Variants in TMEM164 observed in about 807,000 individuals in gnomAD.
TMEM164 encodes the protein RP13-360B22.2.
In TMEM164, 4 loss-of-function variants were observed where a neutral mutation model predicts 18.8. The observed-to-expected ratio is 0.21, with a 90% CI of 0.10 to 0.49. TMEM164 has a LOEUF of 0.49. Among genes scored for constraint, TMEM164 ranks in the 20% least tolerant of loss-of-function variants. TMEM164 has a pLI of 0.98. For missense variants in TMEM164, 108 were observed against 239.9 expected (o/e 0.45, Z 3.63); for synonymous variants, 86 against 101.7 (o/e 0.85, Z 0.93).
chrX:110,133,699 G>A (rs2066644784), intron 4 of TMEM164, among the ~76,000 whole-genome samples: 1 of 111,528 alleles, frequency 9.0e-6, no homozygotes, highest in African/African-American at 3.3e-5. Context: ...TCAAGAAAAT[G>A]CAGCAGACTT....
chrX:110,042,231 T>C (rs1935127961), intron 2 of TMEM164, among the ~76,000 whole-genome samples: 1 of 110,409 alleles, frequency 9.1e-6, no homozygotes, highest in Non-Finnish European at 1.9e-5. Context: ...ACTGTTCTAC[T>C]TTCTGTCTCT....
At chrX:110,086,672 A>G (rs1033418482) in intron 3 of TMEM164, among the ~76,000 whole-genome samples, 17 of 55,017 alleles carry the variant, frequency 3.1e-4, no homozygotes, top group Middle Eastern at 9.0e-3. Flanking sequence ...GTGTGTGTAT[A>G]TATGTGTGTG....
chrX:110,029,030 G>A (rs1268445501), intron 2 of TMEM164, among the ~76,000 whole-genome samples: 2 of 111,382 alleles, frequency 1.8e-5, no homozygotes, highest in Non-Finnish European at 3.8e-5. Flanking sequence ...AACTTAGAGT[G>A]TGGATAGATC....
intron 4 of TMEM164, among the ~76,000 whole-genome samples, chrX:110,117,152 C>T (rs1238353354): frequency 2.7e-5 from 3 of 111,348 alleles, no homozygotes; most frequent in Non-Finnish European, 5.7e-5. Flanking sequence ...ATTTTACAGA[C>T]AGAGCCTTAG....
chrX:110,051,334 T>C (rs780093518), intron 2 of TMEM164, among the ~76,000 whole-genome samples: 13 of 111,229 alleles, frequency 1.2e-4, no homozygotes, highest in Admixed American at 5.8e-4. Context: ...TTTTTTTTTC[T>C]TTTATGAAAC....
At chrX:110,040,319 T>C (rs1935033291) in intron 2 of TMEM164, among the ~76,000 whole-genome samples, 1 of 112,090 alleles carries the variant, frequency 8.9e-6, no homozygotes, top group Non-Finnish European at 1.9e-5. Flanking sequence ...TTGATTTTTA[T>C]GTATAGGTTT....
intron 2 of TMEM164, among the ~76,000 whole-genome samples, chrX:110,005,892 C>T (rs951618514): frequency 9.0e-6 from 1 of 111,470 alleles, no homozygotes; most frequent in African/African-American, 3.3e-5. Flanking sequence ...CTCTGGCAAT[C>T]ACATATCTAG....
chrX:110,022,089 G>C (rs1252068007), intron 2 of TMEM164, among the ~76,000 whole-genome samples: 4 of 111,862 alleles, frequency 3.6e-5, no homozygotes, highest in African/African-American at 1.3e-4. Flanking sequence ...CCTGGACATA[G>C]GCATTTAAGA....
chrX:110,011,830 G>A (rs1248861602), intron 2 of TMEM164, among the ~76,000 whole-genome samples: 4 of 111,814 alleles, frequency 3.6e-5, no homozygotes, highest in Non-Finnish European at 7.5e-5. Flanking sequence ...CCATAAGTTC[G>A]CAGAGTTGCT....
At chrX:110,128,480 GTGT>G (rs2066566746) in intron 4 of TMEM164, among the ~76,000 whole-genome samples, 1 of 111,625 alleles carries the variant, frequency 9.0e-6, no homozygotes, top group Admixed American at 9.5e-5. Flanking sequence ...TTTTTGTTTG[GTGT>G]TCTGCAATTT....
chrX:110,148,717 G>C (rs1374788266), intron 5 of TMEM164, among the ~76,000 whole-genome samples: 4 of 96,843 alleles, frequency 4.1e-5, no homozygotes, highest in African/African-American at 1.6e-4. Context: ...GTAGAGACAG[G>C]GTTTTGCCAT....
intron 3 of TMEM164, among the ~76,000 whole-genome samples, chrX:110,078,036 A>G (rs772085292): frequency 1.8e-5 from 2 of 112,397 alleles, no homozygotes; most frequent in Non-Finnish European, 3.8e-5. Flanking sequence ...CATGAACTGT[A>G]TCCTCAAATA....
intron 2 of TMEM164, among the ~76,000 whole-genome samples, chrX:110,051,440 AG>A (rs1219884442): frequency 1.8e-5 from 2 of 111,192 alleles, no homozygotes; most frequent in African/African-American, 3.3e-5. Flanking sequence ...TGTTTGAGCC[AG>A]GTGAAGGAAA....
chrX:110,145,276 G>A (rs1194689366), intron 5 of TMEM164, among the ~76,000 whole-genome samples: 1 of 111,496 alleles, frequency 9.0e-6, no homozygotes, highest in East Asian at 2.8e-4. Context: ...AAGAACAAAA[G>A]AAGATATTGT....
chrX:110,004,254 G>A lies in TMEM164; in HGVS notation c.390+90G>A, dbSNP rs1456531358. ...TCCATAGTGTACAGCACCTCATCCC[G>A]GCGGGCAGGGGGACCTTTAAAAATG... On this transcript the variant is annotated intron_variant, in intron 2 of 6. Transcript: ENST00000372068. 3.9e-6 allele frequency: 4 copies of A among 1,018,574 alleles called. No individual in the cohort carries two copies. In the African/African-American group the frequency reaches 5.8e-5, roughly 15 times the overall value. 83.9% of individuals were successfully genotyped at this position (1,018,574 alleles called of 1,213,427 possible).
intron 2 of TMEM164, among the ~76,000 whole-genome samples, chrX:110,027,024 AAT>A (rs1335515986): frequency 9.0e-6 from 1 of 110,908 alleles, no homozygotes; most frequent in African/African-American, 3.3e-5. Context: ...TATTTTTTTT[AAT>A]ATCTTTTTCT....
chrX:110,078,537 G>A (rs1286549110), intron 3 of TMEM164, among the ~76,000 whole-genome samples: 2 of 111,725 alleles, frequency 1.8e-5, no homozygotes, highest in Admixed American at 9.6e-5. Flanking sequence ...TTAAACTTTA[G>A]GTTGGGCGCA....
At chrX:110,112,947 G>T (rs1328854509) in intron 4 of TMEM164, among the ~76,000 whole-genome samples, 1 of 110,936 alleles carries the variant, frequency 9.0e-6, no homozygotes, top group East Asian at 2.8e-4. Context: ...TATGAATTTT[G>T]GGGGGACACA....
At chrX:110,050,640 G>A (rs1486186882) in intron 2 of TMEM164, among the ~76,000 whole-genome samples, 2 of 111,587 alleles carry the variant, frequency 1.8e-5, no homozygotes, top group South Asian at 3.8e-4. Flanking sequence ...GAGCACATAC[G>A]GAGGAAGAAC....
Sources: gnomAD v4.1 joint callset for allele counts (sites outside exome capture counted in the v4.1 genomes callset) on GRCh38, gnomAD v4.1.1 for gene constraint, MANE v1.5 for transcripts, NCBI Gene and HGNC (gene_info 2026-07-23, HGNC 2026-07-21) for gene names.